ADAM23: variants seen among roughly 807,000 people sequenced by gnomAD.
ADAM23 encodes the protein ADAM metallopeptidase domain 23, also known as disintegrin and metalloproteinase domain-containing protein 23.
A neutral mutation model predicts 120.1 loss-of-function variants in ADAM23; 33 were observed. The ratio of observed to expected loss-of-function variants is 0.27; its 90% confidence interval spans 0.21 to 0.37. The LOEUF is 0.37. Ranked by LOEUF, ADAM23 falls within the 10% of genes least tolerant of loss-of-function variation. The probability of loss-of-function intolerance (pLI) is 1.00; values close to 1 mark genes in which losing one functional copy is unlikely to be tolerated. For missense variants in ADAM23, 862 were observed against 1,058.2 expected (o/e 0.81, Z 2.57); for synonymous variants, 367 against 375.2 (o/e 0.98, Z 0.25).
intron 12 of ADAM23, 63 bp from the exon 13 acceptor site, chr2:206,562,140 A>G: frequency 1.4e-6 from 2 of 1,393,892 alleles, no homozygotes; most frequent in Admixed American, 1.7e-5. Context: ...CAATTAAGAA[A>G]TAATAACTAG....
chr2:206,540,045 G>A (rs778443712), intron 4 of ADAM23, among the ~76,000 whole-genome samples: 1 of 152,116 alleles, frequency 6.6e-6, no homozygotes, highest in Non-Finnish European at 1.5e-5. Flanking sequence ...GGCCAGGCAC[G>A]ATGGTGCATG....
intron 24 of ADAM23, among the ~76,000 whole-genome samples, chr2:206,605,606 G>A (rs1035320617): frequency 6.6e-6 from 1 of 152,148 alleles, no homozygotes; most frequent in African/African-American, 2.4e-5. Context: ...GAATTTGAAG[G>A]TAAATTCACA....
chr2:206,484,162 T>C (rs1695955562), intron 3 of ADAM23, among the ~76,000 whole-genome samples: 1 of 152,096 alleles, frequency 6.6e-6, no homozygotes, highest in Admixed American at 6.5e-5. Flanking sequence ...CCTGCACTGG[T>C]GTGAAGCTGT....
chr2:206,552,350 T>C (rs1446072501), intron 9 of ADAM23, among the ~76,000 whole-genome samples: 1 of 152,180 alleles, frequency 6.6e-6, no homozygotes, highest in Non-Finnish European at 1.5e-5. Context: ...AGAGCAAATC[T>C]CAGTAACTGT....
In ADAM23 at chr2:206,444,000, G is replaced by A; in HGVS notation, c.134G>A (p.Arg45His). ...ASAPARTPPC[R>H]LLLVLLLLPP... is the part of the protein sequence containing the mutation. ...GCCCCGGCCCGCACGCCGCCCTGCC[G>A]CCTGCTTCTCGTCCTTCTCCTGCTG... Residue 45 changes from arginine (R) to histidine (H), a missense_variant, in exon 1 of 26, where the codon CGC (arginine) becomes CAC (histidine). Coordinates refer to ENST00000264377, the MANE Select transcript of ADAM23 (RefSeq NM_003812.4). 7.1e-7 allele frequency: 1 copy of A among 1,401,596 alleles called. No individual in the cohort carries two copies. Among genetic ancestry groups the A allele is most frequent in the Non-Finnish European group, 9.3e-7 (1 of 1,073,888 alleles). The allele number at this position is 1,401,596 out of a possible 1,614,324, so 86.8% of individuals were successfully genotyped here.
At chr2:206,534,603 G>C (rs554377563) in intron 4 of ADAM23, among the ~76,000 whole-genome samples, 1 of 152,068 alleles carries the variant, frequency 6.6e-6, no homozygotes, top group South Asian at 2.1e-4. Flanking sequence ...TAGCATTTCA[G>C]TTCTTATAAA....
At chr2:206,603,146 T>C (rs1698669819) in intron 24 of ADAM23, among the ~76,000 whole-genome samples, 1 of 152,146 alleles carries the variant, frequency 6.6e-6, no homozygotes. Context: ...AATGAATGAA[T>C]TAATGAATAA....
intron 3 of ADAM23, among the ~76,000 whole-genome samples, chr2:206,528,836 A>G (rs1208462078): frequency 6.6e-6 from 1 of 152,236 alleles, no homozygotes; most frequent in African/African-American, 2.4e-5. Flanking sequence ...AGTTTAGAGC[A>G]TACAGCTGGC....
At chr2:206,607,334 A>G (rs1698747647) in intron 24 of ADAM23, 1 of 152,302 alleles carries the variant, frequency 6.6e-6, no homozygotes, top group South Asian at 2.1e-4. Flanking sequence ...GATTGTATAC[A>G]GAAGAAACAT....
chr2:206,512,617 TA>T (rs1037309956), intron 3 of ADAM23, among the ~76,000 whole-genome samples: 2 of 152,218 alleles, frequency 1.3e-5, no homozygotes, highest in Non-Finnish European at 2.9e-5. Context: ...CAATGTAACG[TA>T]TTGTCTTTGA....
chr2:206,592,332 A>G (rs1476283055), intron 21 of ADAM23, among the ~76,000 whole-genome samples: 2 of 152,112 alleles, frequency 1.3e-5, no homozygotes, highest in African/African-American at 4.8e-5. Context: ...GAGAAGGGGG[A>G]ATGGATAGGA....
Position 206,594,772 on chromosome 2 carries a change from T to A in ADAM23, c.2114T>A (p.Val705Glu). 6.2e-7 allele frequency: 1 copy of A among 1,614,212 alleles called. No homozygotes were observed. The highest frequency in any genetic ancestry group is 1.1e-5 in the South Asian group (1 of 91,078). ...AHVVLDDDTD[V>E]GYVEDGTPCG... ...GTAGTTTTAGATGATGATACGGATG[T>A]GGGCTATGTAGAAGATGGAACGCCA... Residue 705 changes from valine (V) to glutamate (E), a missense_variant, in exon 23 of 26, where the codon GTG becomes GAG. Transcript: ENST00000264377.
intron 4 of ADAM23, among the ~76,000 whole-genome samples, chr2:206,540,436 G>C (rs1162121524): frequency 1.3e-5 from 2 of 152,058 alleles, no homozygotes; most frequent in African/African-American, 4.8e-5. Context: ...GAAATATGTA[G>C]GAGTTCTAGA....
At chr2:206,472,912 G>A (rs1477480340) in intron 2 of ADAM23, among the ~76,000 whole-genome samples, 1 of 152,164 alleles carries the variant, frequency 6.6e-6, no homozygotes, top group Non-Finnish European at 1.5e-5. Flanking sequence ...TGTTCATCGT[G>A]GGTTGTGAGA....
chr2:206,477,903 T>TATATATATAC (rs1553548698), intron 2 of ADAM23, among the ~76,000 whole-genome samples: 13 of 135,524 alleles, frequency 9.6e-5, no homozygotes, highest in Non-Finnish European at 1.2e-4. Flanking sequence ...AAAAAATATA[T>TATATATATAC]ATATATATAT....
rs1410717831 is a variant in ADAM23 at position 206,567,262 on chromosome 2, G to T, written c.1434G>T (p.Leu478Phe). ...GAAAATTTTCAAAGTGCAGCATTTTGGAGTATAGAGACTTTTTACAGAGAG... is the reference window on the plus strand; with the variant it reads ...GAAAATTTTCAAAGTGCAGCATTTTTGAGTATAGAGACTTTTTACAGAGAG... ...HSRKFSKCSI[L>F]EYRDFLQRGG... Residue 478 changes from leucine to phenylalanine, a missense_variant, in exon 15 of 26, where the codon TTG becomes TTT. Coordinates refer to ENST00000264377, the MANE Select transcript of ADAM23 (RefSeq NM_003812.4). The T allele has an allele frequency of 1.2e-6, 2 of 1,613,872 alleles. No homozygotes were observed. The highest frequency in any genetic ancestry group is 1.7e-6 in the Non-Finnish European group (2 of 1,179,858).
chr2:206,548,397 TGAA>T (rs1697444438), intron 8 of ADAM23, 43 bp downstream of exon 8: 1 of 1,557,678 alleles, frequency 6.4e-7, no homozygotes, highest in Admixed American at 1.7e-5. Flanking sequence ...TTTTACTCAA[TGAA>T]GTCATGTGCC....
At chr2:206,465,387 AT>A (rs1283280441) in intron 2 of ADAM23, among the ~76,000 whole-genome samples, 1 of 152,188 alleles carries the variant, frequency 6.6e-6, no homozygotes, top group Non-Finnish European at 1.5e-5. Context: ...AAATTGGCTA[AT>A]TTAGTATTCA....
At chr2:206,572,243 A>C (rs1004575592) in intron 17 of ADAM23, among the ~76,000 whole-genome samples, 3 of 152,170 alleles carry the variant, frequency 2.0e-5, no homozygotes, top group African/African-American at 7.2e-5. Context: ...TTGGGCTTTT[A>C]AAATCCCCTG....
Sources: gnomAD v4.1 joint callset for allele counts (sites outside exome capture counted in the v4.1 genomes callset) on GRCh38, gnomAD v4.1.1 for gene constraint, MANE v1.5 for transcripts, NCBI Gene and HGNC (gene_info 2026-07-23, HGNC 2026-07-21) for gene names.